B3GALT1: variants seen among roughly 807,000 people sequenced by gnomAD.
B3GALT1 encodes the protein beta-1,3-galactosyltransferase 1.
B3GALT1 carries 10 observed loss-of-function variants against 23.2 expected under a neutral mutation model. The ratio of observed to expected loss-of-function variants is 0.43; its 90% CI spans 0.27 to 0.73. B3GALT1 has a LOEUF of 0.73. B3GALT1 is among the 30% of genes least tolerant of loss of function. B3GALT1 has a pLI of 0.21. For missense variants in B3GALT1, 299 were observed against 405.4 expected (o/e 0.74, Z 2.25); for synonymous variants, 156 against 141.5 (o/e 1.10, Z -0.73).
chr2:167,387,201 C>T (rs1458633941), intron 1 of B3GALT1, among the ~76,000 whole-genome samples: 1 of 152,116 alleles, frequency 6.6e-6, no homozygotes, highest in African/African-American at 2.4e-5. Context: ...AACAATATGC[C>T]ATCCCTAAAC....
chr2:167,336,245 A>T (rs1350735785), intron 1 of B3GALT1, among the ~76,000 whole-genome samples: 1 of 152,134 alleles, frequency 6.6e-6, no homozygotes, highest in Non-Finnish European at 1.5e-5. Context: ...GATGATGTGG[A>T]ATCCTTAGTA....
chr2:167,476,889 C>G (rs1275068836), intron 1 of B3GALT1, among the ~76,000 whole-genome samples: 1 of 152,114 alleles, frequency 6.6e-6, no homozygotes, highest in Non-Finnish European at 1.5e-5. Context: ...AGAGAAAATA[C>G]TTTTTTTCTG....
At chr2:167,365,476 T>C (rs1410257938) in intron 1 of B3GALT1, among the ~76,000 whole-genome samples, 1 of 152,078 alleles carries the variant, frequency 6.6e-6, no homozygotes, top group Non-Finnish European at 1.5e-5. Context: ...GCTTCTGCTG[T>C]CATAATGATA....
chr2:167,716,851 A>G (rs1687153435), intron 3 of B3GALT1, among the ~76,000 whole-genome samples: 1 of 151,912 alleles, frequency 6.6e-6, no homozygotes, highest in South Asian at 2.1e-4. Flanking sequence ...TTTTGGTTGC[A>G]TTTTATAGCT....
At chr2:167,305,386 G>A (rs1230386239) in intron 1 of B3GALT1, among the ~76,000 whole-genome samples, 1 of 152,088 alleles carries the variant, frequency 6.6e-6, no homozygotes, top group African/African-American at 2.4e-5. Context: ...TTATGAGACA[G>A]TTCCTACCTG....
intron 3 of B3GALT1, among the ~76,000 whole-genome samples, chr2:167,732,857 A>C (rs1687429884): frequency 6.6e-6 from 1 of 152,226 alleles, no homozygotes; most frequent in African/African-American, 2.4e-5. Context: ...ACTTAGGAAG[A>C]TTATGCTTTG....
At chr2:167,293,701 G>A (rs912080278) in intron 1 of B3GALT1, among the ~76,000 whole-genome samples, 1 of 152,134 alleles carries the variant, frequency 6.6e-6, no homozygotes, top group Non-Finnish European at 1.5e-5. Context: ...CTCGGCGGGA[G>A]GTAGAACGCA....
intron 3 of B3GALT1, among the ~76,000 whole-genome samples, chr2:167,699,493 T>C (rs540149070): frequency 2.4e-4 from 35 of 148,370 alleles, no homozygotes; most frequent in Non-Finnish European, 4.4e-4. Context: ...TTTTGGTGAA[T>C]AGAAAATTTT....
chr2:167,306,692 A>G (rs934190018), intron 1 of B3GALT1, among the ~76,000 whole-genome samples: 5 of 152,006 alleles, frequency 3.3e-5, no homozygotes, highest in African/African-American at 9.7e-5. Flanking sequence ...TCTATGTAAC[A>G]AAGTGCATCT....
intron 2 of B3GALT1, among the ~76,000 whole-genome samples, chr2:167,566,253 A>T (rs930770264): frequency 6.6e-6 from 1 of 150,840 alleles, no homozygotes; most frequent in Non-Finnish European, 1.5e-5. Flanking sequence ...TCGCAAGGAG[A>T]AAAAACCAAA....
chr2:167,559,895 A>G (rs1056150173), intron 2 of B3GALT1, among the ~76,000 whole-genome samples: 5 of 152,362 alleles, frequency 3.3e-5, no homozygotes, highest in African/African-American at 1.2e-4. Context: ...GATGTTATCC[A>G]GGAGAACTTC....
chr2:167,752,528 A>T (rs995929269), intron 3 of B3GALT1, among the ~76,000 whole-genome samples: 6 of 148,954 alleles, frequency 4.0e-5, no homozygotes, highest in Non-Finnish European at 6.0e-5. Context: ...TTTTTTTTTT[A>T]AATAAACTGC....
Position 167,588,621 on chromosome 2 carries a change from T to G in B3GALT1, c.-409-58288T>G, listed in dbSNP as rs943972486. Among the ~76,000 whole-genome samples, 5 of 152,254 alleles carry G rather than the reference T, an allele frequency of 3.3e-5. No homozygotes were observed. In the South Asian group the frequency reaches 1.0e-3, roughly 32 times the overall value. On this transcript the variant is annotated intron_variant, in intron 2 of 4. Coordinates refer to ENST00000392690, the MANE Select transcript of B3GALT1 (RefSeq NM_020981.4). ...CTTTGCCTTTATTTGATTACTGAGA[T>G]AGATGAGTGTTTTTCATGTGTTTAT...
intron 1 of B3GALT1, among the ~76,000 whole-genome samples, chr2:167,309,235 T>A (rs1165530007): frequency 6.6e-6 from 1 of 152,040 alleles, no homozygotes; most frequent in Non-Finnish European, 1.5e-5. Flanking sequence ...TAATCATTAT[T>A]CCTCAATTTT....
rs79874538 is a variant in B3GALT1, at chr2:167,316,289, A to G, written c.-511+22955A>G. 3.2e-3 allele frequency among the ~76,000 whole-genome samples: 480 copies of G among 152,094 alleles called. 22 individuals are homozygous for G. The East Asian group carries it at 0.064, about 20-fold the overall frequency. On this transcript the variant is annotated intron_variant, in intron 1 of 4. Coordinates refer to ENST00000392690, the MANE Select transcript of B3GALT1 (RefSeq NM_020981.4). ...GAAAACTACATTGGGGTGTGCATTC[A>G]ACTCACAAAAACCTTTACTATAGGA...
chr2:167,429,071 A>G (rs1698667109), intron 1 of B3GALT1, among the ~76,000 whole-genome samples: 1 of 151,986 alleles, frequency 6.6e-6, no homozygotes, highest in African/African-American at 2.4e-5. Context: ...CGAGGTCAGG[A>G]GATCGAGACC....
At chr2:167,851,957 A>G (rs902322267) in intron 4 of B3GALT1, among the ~76,000 whole-genome samples, 4 of 152,186 alleles carry the variant, frequency 2.6e-5, no homozygotes, top group African/African-American at 9.7e-5. Context: ...CAAAAATGCA[A>G]TTTATTCTCT....
At chr2:167,357,105 T>G (rs576304003) in intron 1 of B3GALT1, among the ~76,000 whole-genome samples, 5 of 152,188 alleles carry the variant, frequency 3.3e-5, no homozygotes, top group Non-Finnish European at 7.4e-5. Context: ...TAGTGCTTTC[T>G]AGAACTTGTT....
chr2:167,842,366 T>A (rs1689668084), intron 4 of B3GALT1, among the ~76,000 whole-genome samples: 1 of 152,222 alleles, frequency 6.6e-6, no homozygotes, highest in South Asian at 2.1e-4. Context: ...CATCTTCACA[T>A]TTCATACTTA....
Sources: gnomAD v4.1 joint callset for allele counts (sites outside exome capture counted in the v4.1 genomes callset) on GRCh38, gnomAD v4.1.1 for gene constraint, MANE v1.5 for transcripts, NCBI Gene and HGNC (gene_info 2026-07-23, HGNC 2026-07-21) for gene names.